AAK1: variants seen among roughly 807,000 people sequenced by gnomAD.
The protein encoded by AAK1 is AP2-associated protein kinase 1.
Under a neutral mutation model 116.0 loss-of-function variants are expected in AAK1, and 37 were observed. The observed-to-expected ratio is 0.32, with a 90% confidence interval of 0.25 to 0.42. The LOEUF is 0.42. Ranked by LOEUF, AAK1 falls within the 10% of genes least tolerant of loss-of-function variation. The pLI, the probability that AAK1 is intolerant of heterozygous loss-of-function variation, is 1.00. For synonymous variants in AAK1, 458 were observed against 439.9 expected, an observed-to-expected ratio of 1.04 and a Z score of -0.51; for missense variants, 919 against 1,170.6, an observed-to-expected ratio of 0.79 and a Z score of 3.14.
intron 10 of AAK1, among the ~76,000 whole-genome samples, chr2:69,524,435 T>C (rs1017491885): frequency 6.6e-6 from 1 of 151,698 alleles, no homozygotes; most frequent in South Asian, 2.1e-4. Flanking sequence ...TTGTTTTGTT[T>C]TGTTTTGTTT....
intron 2 of AAK1, among the ~76,000 whole-genome samples, chr2:69,601,309 T>C (rs887246561): frequency 5.2e-4 from 79 of 152,224 alleles, no homozygotes; most frequent in Non-Finnish European, 6.6e-4. Context: ...AGCCTTAGCA[T>C]AGATAGCATA....
intron 3 of AAK1, among the ~76,000 whole-genome samples, chr2:69,548,550 CTCTTTCTTTCTTT>C (rs1671029069): frequency 1.4e-5 from 2 of 144,630 alleles, no homozygotes; most frequent in African/African-American, 2.6e-5. Flanking sequence ...TCCTTCCTTC[CTCTTTCTTTCTTT>C]TCTTTCTTTC....
chr2:69,545,904 C>T (rs752889411), intron 3 of AAK1, among the ~76,000 whole-genome samples: 2 of 152,066 alleles, frequency 1.3e-5, no homozygotes, highest in African/African-American at 2.4e-5. Flanking sequence ...TCTTGCAGAA[C>T]ATTTGTGCCT....
chr2:69,534,091 T>C (rs1016811278), intron 5 of AAK1, among the ~76,000 whole-genome samples: 1 of 152,226 alleles, frequency 6.6e-6, no homozygotes, highest in Non-Finnish European at 1.5e-5. Flanking sequence ...TTTTCTGAGC[T>C]TTATTATTGC....
At chr2:69,603,003 C>T (rs1255062943) in intron 2 of AAK1, among the ~76,000 whole-genome samples, 3 of 152,062 alleles carry the variant, frequency 2.0e-5, no homozygotes, top group Non-Finnish European at 4.4e-5. Flanking sequence ...AAGAATAAGA[C>T]ACCATGGCAA....
At chr2:69,543,025 A>T (rs557846373) in intron 4 of AAK1, among the ~76,000 whole-genome samples, 4 of 152,182 alleles carry the variant, frequency 2.6e-5, no homozygotes, top group African/African-American at 9.7e-5. Context: ...TCAACTTGCC[A>T]TATCTTTTAG....
At position 69,544,559 on chromosome 2, in the gene AAK1, G is replaced by C. The variant is rs377552221; in HGVS notation, c.283-15C>G. 20 of 1,576,436 alleles carry C rather than the reference G, an allele frequency of 1.3e-5. No individual in the cohort carries two copies. Among genetic ancestry groups the C allele is most frequent in the Admixed American group, 6.7e-5 (4 of 59,900 alleles). On this transcript the variant is annotated splice_polypyrimidine_tract_variant and intron_variant, in intron 3 of 21. Coordinates refer to ENST00000409085, the MANE Select transcript of AAK1 (RefSeq NM_014911.5). ...GAAAGATCCCTCTGTGAACAAGAGA[G>C]GAGAAATATATTGTTAGTTTCAGAT...
At chr2:69,503,260 AACT>A (rs925632952) in intron 16 of AAK1, among the ~76,000 whole-genome samples, 7 of 152,244 alleles carry the variant, frequency 4.6e-5, no homozygotes, top group African/African-American at 1.7e-4. Context: ...AGGTTAGAAA[AACT>A]ACTAACATTC....
rs1675821881 is a variant in AAK1 at position 69,643,114 on chromosome 2, A to C, written c.-74T>G. The C allele has an allele frequency of 7.0e-7, 1 of 1,433,458 alleles. No homozygotes were observed. The highest frequency in any genetic ancestry group is 1.5e-5 in the African/African-American group (1 of 67,368). 88.8% of individuals were successfully genotyped at this position (1,433,458 alleles called of 1,614,324 possible). On this transcript the variant is annotated 5_prime_UTR_variant, in exon 2 of 22. Coordinates refer to ENST00000409085, the MANE Select transcript of AAK1 (RefSeq NM_014911.5). ...TTTTTTTTTTTTTTTTTTTTTAAGA[A>C]AAGAGATCCAAGGATTTCTTCTCAG... is the stretch of plus-strand genomic sequence containing the variant.
chr2:69,551,183 G>C lies in AAK1; in HGVS notation c.282+5677C>G, dbSNP rs560624184. Among the ~76,000 whole-genome samples, 373 of 152,188 alleles carry C rather than the reference G, an allele frequency of 2.5e-3. 1 individual carries two copies. Among genetic ancestry groups the C allele is most frequent in the Non-Finnish European group, 3.9e-3 (267 of 68,012 alleles). On this transcript the variant is annotated intron_variant, in intron 3 of 21. Transcript: ENST00000409085. ...TCTGTGTTCTCACTTATAAATGGGA[G>C]CTAAATGATGAGAACACATGGACAC...
rs574490585 is a variant in AAK1 at position 69,493,158 on chromosome 2, CAAAAAA to C, written c.2365+2821_2365+2826del. Among the ~76,000 whole-genome samples the C allele has an allele frequency of 5.1e-3, 192 of 37,572 alleles. 19 individuals are homozygous for C. Among genetic ancestry groups the C allele is most frequent in the African/African-American group, 0.014 (186 of 13,418 alleles). 24.6% of individuals were successfully genotyped at this position (37,572 alleles called of 152,430 possible). On this transcript the variant is annotated intron_variant, in intron 17 of 21. Coordinates refer to ENST00000409085, the MANE Select transcript of AAK1 (RefSeq NM_014911.5). ...TGGGCGACAGAGCGAGACTCCGTCT[CAAAAAA>C]AAAAAAAAAAAAAGGATGCAGTGGC...
chr2:69,484,901 T>TA (rs559666171), intron 17 of AAK1, among the ~76,000 whole-genome samples: 1 of 139,902 alleles, frequency 7.1e-6, no homozygotes, highest in African/African-American at 2.7e-5. Flanking sequence ...AATAAAAACA[T>TA]AAAAAAAAGG....
In AAK1 at chr2:69,514,708, A is replaced by C. The variant is rs767870570; in HGVS notation, c.1539T>G (p.Ala513=). The C allele has an allele frequency of 1.6e-5, 25 of 1,610,974 alleles. No individual in the cohort carries two copies. The East Asian group carries it at 5.4e-4, about 34-fold the overall frequency. Residue 513 remains alanine, a synonymous_variant, in exon 13 of 22, where the codon GCT becomes GCG. Transcript: ENST00000409085. ...VHPATQKPAI[A]QFPVVSQGGS... is the part of the protein sequence containing the mutation. ...CTCCTTGGGACACCACAGGGAACTG[A>C]GCAATTGCTGGTTTCTGGGTTGCTG...
intron 5 of AAK1, among the ~76,000 whole-genome samples, chr2:69,532,596 A>G (rs2105028014): frequency 6.6e-6 from 1 of 151,652 alleles, no homozygotes; most frequent in South Asian, 2.1e-4. Context: ...GTCCTTTTTG[A>G]AACTTTCAGG....
intron 2 of AAK1, among the ~76,000 whole-genome samples, chr2:69,564,759 C>T (rs1256251111): frequency 6.6e-6 from 1 of 152,184 alleles, no homozygotes; most frequent in Non-Finnish European, 1.5e-5. Context: ...GACATGCAGG[C>T]TATCTGACCA....
intron 2 of AAK1, among the ~76,000 whole-genome samples, chr2:69,578,369 T>C (rs1672401099): frequency 6.6e-6 from 1 of 152,232 alleles, no homozygotes; most frequent in African/African-American, 2.4e-5. Context: ...AGTCCAATGC[T>C]GAGCACATCA....
rs201459620 is a variant in AAK1 at position 69,532,128 on chromosome 2, T to C, written c.569A>G (p.Tyr190Cys). The C allele has an allele frequency of 1.3e-4, 212 of 1,613,658 alleles. 4 individuals carry two copies. Among genetic ancestry groups the C allele is most frequent in the Non-Finnish European group, 3.6e-5 (43 of 1,179,622 alleles). ...GGCGCTTCCAAAGTCACACAGGACA[T>C]AGTGGCCTCGGTCATGCAAGAGGAT... ...ENILLHDRGHYVLCDFGSATN... is the reference protein window; with the variant it reads ...ENILLHDRGHCVLCDFGSATN... The change falls in exon 6 of 22, where the codon TAT becomes TGT. Residue 190 changes from tyrosine (Y) to cysteine (C), a missense_variant. Physicochemically the swap from Tyr to Cys is radical, Grantham distance 194. Around this residue, in one of 4 missense-constraint regions of AAK1, gnomAD observed 317 missense variants for 490.4 expected, o/e 0.65. Coordinates refer to ENST00000409085, the MANE Select transcript of AAK1 (RefSeq NM_014911.5).
Position 69,471,020 on chromosome 2 carries a change from T to C in AAK1, c.*4849A>G. The C allele has an allele frequency of 1.6e-5, 16 of 985,866 alleles. No individual in the cohort carries two copies. Among genetic ancestry groups the C allele is most frequent in the Non-Finnish European group, 1.9e-5 (16 of 829,914 alleles). The allele number at this position is 985,866 out of a possible 1,614,324, so 61.1% of individuals were successfully genotyped here. On this transcript the variant is annotated 3_prime_UTR_variant, in exon 22 of 22. Transcript: ENST00000409085. ...CAATACTTGTGCAGCAATGTTCAAA[T>C]TTCACGTTTTTACTGCATAAGATAT...
At chr2:69,488,591 C>T (rs1675394007) in intron 17 of AAK1, among the ~76,000 whole-genome samples, 1 of 152,064 alleles carries the variant, frequency 6.6e-6, no homozygotes, top group South Asian at 2.1e-4. Context: ...GTGTTTGGTA[C>T]ATAAAAGGGG....
Sources: gnomAD v4.1 joint callset for allele counts (sites outside exome capture counted in the v4.1 genomes callset) on GRCh38, gnomAD v4.1.1 for gene constraint, gnomAD v4.1.1 regional missense constraint, MANE v1.5 for transcripts, NCBI Gene and HGNC (gene_info 2026-07-23, HGNC 2026-07-21) for gene names.